ASS1: variants seen among roughly 807,000 people sequenced by gnomAD.
ASS1 encodes argininosuccinate synthase 1.
ASS1 carries 58 observed loss-of-function variants against 60.5 expected under a neutral mutation model. The ratio of observed to expected loss-of-function variants is 0.96; its 90% confidence interval spans 0.78 to 1.19. The LOEUF is 1.19. Among genes scored for constraint, ASS1 ranks in the 50% most tolerant of loss-of-function variants. The probability of loss-of-function intolerance (pLI) is 0.00; values close to 1 mark genes in which losing one functional copy is unlikely to be tolerated. For synonymous variants in ASS1, 200 were observed against 206.9 expected, an observed-to-expected ratio of 0.97 and a Z score of 0.29; for missense variants, 454 against 547.3, an observed-to-expected ratio of 0.83 and a Z score of 1.70.
In ASS1 at chr9:130,452,338, G is replaced by C; in HGVS notation, c.105+5G>C. On this transcript the variant is annotated splice_donor_5th_base_variant and intron_variant, in intron 2 of 14. Transcript: ENST00000352480. ...TATGACGTCATTGCCTATCTGGTGA[G>C]GGAGCGACCTGGGTGTCTGTCTTCC... 6.2e-7 allele frequency: 1 copy of C among 1,612,466 alleles called. No homozygotes were observed. Among genetic ancestry groups the C allele is most frequent in the East Asian group, 2.2e-5 (1 of 44,862 alleles).
chr9:130,448,410 G>A (rs1230616479), intron 1 of ASS1, among the ~76,000 whole-genome samples: 1 of 64,960 alleles, frequency 1.5e-5, no homozygotes, highest in African/African-American at 5.6e-5. Context: ...GTGCACACAG[G>A]TGTGTGCGCG....
chr9:130,461,395 G>A (rs1172635663), intron 4 of ASS1, among the ~76,000 whole-genome samples: 10 of 152,142 alleles, frequency 6.6e-5, no homozygotes, highest in Admixed American at 4.6e-4. Flanking sequence ...GACAAAGGCG[G>A]GAGGAGGTGG....
intron 6 of ASS1, among the ~76,000 whole-genome samples, chr9:130,467,284 C>T (rs898327839): frequency 1.3e-5 from 2 of 152,214 alleles, no homozygotes; most frequent in Non-Finnish European, 2.9e-5. Flanking sequence ...CAGTCGCAGA[C>T]AAAGCCTTTT....
chr9:130,455,432 C>T (rs184107832), intron 3 of ASS1, among the ~76,000 whole-genome samples: 3 of 152,144 alleles, frequency 2.0e-5, no homozygotes, highest in East Asian at 1.9e-4. Context: ...ATCCATTCAC[C>T]GTTTTTCTAT....
At position 130,489,493 on chromosome 9, in the gene ASS1, T is replaced by A; in HGVS notation, c.970+29T>A. ...CGTAAGACTCTATGGCTGCCCCCTC[T>A]AACCGCCTCACAAGGGATCCCAAAG... On this transcript the variant is annotated intron_variant, in intron 12 of 14. Coordinates refer to ENST00000352480, the MANE Select transcript of ASS1 (RefSeq NM_054012.4). This position sits in a 1 kb window ranked among gnomAD's most constrained non-coding sequence, Gnocchi z 4.1. The A allele has an allele frequency of 6.2e-7, 1 of 1,613,854 alleles. No homozygotes were observed. Among genetic ancestry groups the A allele is most frequent in the South Asian group, 1.1e-5 (1 of 91,080 alleles).
At position 130,479,804 on chromosome 9, in the gene ASS1, A is replaced by G. The variant is rs763191684; in HGVS notation, c.773+4A>G. 1 of 1,613,570 alleles carries G rather than the reference A, an allele frequency of 6.2e-7. No homozygotes were observed. The highest frequency in any genetic ancestry group is 8.5e-7 in the Non-Finnish European group (1 of 1,179,462). ...TCATGTACCTGAACGAAGTCGCGTG[A>G]GTGTCTGCAGCCCTGTCCGGCCTCT... is the stretch of plus-strand genomic sequence containing the variant. On this transcript the variant is annotated splice_donor_region_variant and intron_variant, in intron 10 of 14. Coordinates refer to ENST00000352480, the MANE Select transcript of ASS1 (RefSeq NM_054012.4).
In ASS1 at chr9:130,501,019, T is replaced by C. The variant is rs763970075; in HGVS notation, c.1237T>C (p.Ter413GlnextTer5). ...HRLQSKVTAK[*>Q] ...TCTCCAGAGCAAGGTCACTGCCAAA[T>C]AGACCCGTGTACAATGAGGAGCTGG... is the stretch of plus-strand genomic sequence containing the variant. The change falls in exon 15 of 15, where the codon TAG becomes CAG. Residue 413 changes from the stop codon to glutamine, a stop_lost. Transcript: ENST00000352480. 3 of 1,612,846 alleles carry C rather than the reference T, an allele frequency of 1.9e-6. No homozygotes were observed. The highest frequency in any genetic ancestry group is 2.5e-6 in the Non-Finnish European group (3 of 1,179,746).
intron 14 of ASS1, among the ~76,000 whole-genome samples, chr9:130,499,782 CT>C (rs764693544): frequency 6.6e-6 from 1 of 152,182 alleles, no homozygotes; most frequent in Non-Finnish European, 1.5e-5. Context: ...ACAGAGGGTC[CT>C]AGGCATTGGG....
chr9:130,493,258 T>G (rs897635500), intron 12 of ASS1, among the ~76,000 whole-genome samples: 2 of 152,180 alleles, frequency 1.3e-5, no homozygotes, highest in South Asian at 2.1e-4. Context: ...TCTGGGCCTC[T>G]CTCCCTGTGT....
chr9:130,462,122 G>A (rs1237668769), intron 4 of ASS1, among the ~76,000 whole-genome samples: 1 of 151,548 alleles, frequency 6.6e-6, no homozygotes, highest in African/African-American at 2.4e-5. Context: ...CTGCACCGAA[G>A]CTGGGGTGGC....
In ASS1 at chr9:130,470,635, G is replaced by A. The variant is rs757764565; in HGVS notation, c.496-199G>A. Among the ~76,000 whole-genome samples the A allele has an allele frequency of 2.0e-5, 3 of 152,226 alleles. No homozygotes were observed. Among genetic ancestry groups the A allele is most frequent in the Admixed American group, 6.5e-5 (1 of 15,288 alleles). On this transcript the variant is annotated intron_variant, in intron 6 of 14. Transcript: ENST00000352480. The surrounding 1 kb of genome is among the most constrained non-coding windows in gnomAD (Gnocchi z 4.3). ...CCAAGGTCAGCATTGCAGACACACG[G>A]TCCTGCAGTTTCTCTGGGGCATGTC...
intron 5 of ASS1, among the ~76,000 whole-genome samples, chr9:130,465,039 T>C (rs1845695859): frequency 9.7e-6 from 1 of 103,598 alleles, no homozygotes; most frequent in South Asian, 2.6e-4. Context: ...ATGTTTTATA[T>C]ATATATATAT....
At chr9:130,498,410 C>T (rs529811865) in intron 13 of ASS1, among the ~76,000 whole-genome samples, 4 of 152,310 alleles carry the variant, frequency 2.6e-5, no homozygotes, top group East Asian at 1.9e-4. Flanking sequence ...TCTGAGTCCA[C>T]GTGCCCTAAG....
At chr9:130,463,239 G>A (rs1270532668) in intron 4 of ASS1, among the ~76,000 whole-genome samples, 2 of 152,242 alleles carry the variant, frequency 1.3e-5, no homozygotes, top group African/African-American at 4.8e-5. Flanking sequence ...CTGGGCTGCC[G>A]AGCCCACGGG....
rs1846021166 is a variant in ASS1, at chr9:130,476,441, T to C, written c.598-430T>C. The C allele has an allele frequency of 4.4e-6, 1 of 225,196 alleles. No individual in the cohort carries two copies. The highest frequency in any genetic ancestry group is 8.8e-6 in the Non-Finnish European group (1 of 113,944). The allele number at this position is 225,196 out of a possible 1,614,324, so 13.9% of individuals were successfully genotyped here. A position where few individuals can be genotyped will look rare whatever the true frequency, so the allele number is the denominator to read the frequency against. ...GGACGGCTCGGCTTGCCAGAGCACC[T>C]GCTGGGGTCACAGGCAGTCATTAGC... On this transcript the variant is annotated intron_variant, in intron 8 of 14. Transcript: ENST00000352480. This position sits in a 1 kb window ranked among gnomAD's most constrained non-coding sequence, Gnocchi z 4.9.
intron 3 of ASS1, among the ~76,000 whole-genome samples, chr9:130,456,027 G>A (rs1275518874): frequency 1.3e-5 from 2 of 152,358 alleles, no homozygotes; most frequent in African/African-American, 2.4e-5. Flanking sequence ...ATTCGAGTGC[G>A]CTTTCAGCAG....
intron 5 of ASS1, among the ~76,000 whole-genome samples, chr9:130,465,853 G>T (rs577606688): frequency 6.6e-6 from 1 of 152,346 alleles, no homozygotes; most frequent in Admixed American, 6.5e-5. Flanking sequence ...CAGCGAGGCC[G>T]CAGGACGGGG....
intron 8 of ASS1, among the ~76,000 whole-genome samples, chr9:130,471,809 A>G (rs531425163): frequency 2.8e-4 from 43 of 152,350 alleles, no homozygotes; most frequent in African/African-American, 1.0e-3. Flanking sequence ...ATTGTGAGAC[A>G]ATAAAGAAGT....
chr9:130,469,857 C>A (rs1377872111), intron 6 of ASS1, among the ~76,000 whole-genome samples: 1 of 152,144 alleles, frequency 6.6e-6, no homozygotes, highest in Non-Finnish European at 1.5e-5. Flanking sequence ...GGGAGGGTGA[C>A]CCGGTGGGGG....
Sources: gnomAD v4.1 joint callset for allele counts (sites outside exome capture counted in the v4.1 genomes callset) on GRCh38, gnomAD v4.1.1 for gene constraint, Gnocchi (gnomAD v3.1) non-coding constraint, MANE v1.5 for transcripts, NCBI Gene and HGNC (gene_info 2026-07-23, HGNC 2026-07-21) for gene names.